Variants in FGF14 observed in about 807,000 individuals in gnomAD.
FGF14 encodes the protein fibroblast growth factor 14, also known as fibroblast growth factor homologous factor 4.
In FGF14, 5 loss-of-function variants were observed where a neutral mutation model predicts 25.5. The observed-to-expected ratio is 0.20, with a 90% CI of 0.10 to 0.41. FGF14 has a LOEUF of 0.41. FGF14 is among the 10% of genes least tolerant of loss of function. FGF14 has a pLI of 1.00. For synonymous variants in FGF14, 138 were observed against 118.3 expected, an observed-to-expected ratio of 1.17 and a Z score of -1.08; for missense variants, 222 against 320.1, an observed-to-expected ratio of 0.69 and a Z score of 2.34.
intron 1 of FGF14, among the ~76,000 whole-genome samples, chr13:102,281,408 T>C (rs1358083685): frequency 6.6e-6 from 1 of 152,162 alleles, no homozygotes; most frequent in Non-Finnish European, 1.5e-5. Context: ...GTCTCATCAA[T>C]GTTCTAGCAT....
In FGF14 at chr13:101,722,977, G is replaced by A. The variant is rs574476283; in HGVS notation, c.608-10C>T. On this transcript the variant is annotated splice_polypyrimidine_tract_variant and intron_variant, in intron 4 of 4. Coordinates refer to ENST00000376143, the MANE Select transcript of FGF14 (RefSeq NM_004115.4). ...TCTCGGTACATGGCAACTAGTGATG[G>A]GAAGAAAGGAGGAGGAAAAGCAAAC... 1,407 of 1,612,846 alleles carry A rather than the reference G, an allele frequency of 8.7e-4. 18 individuals are homozygous for A. In the South Asian group the frequency reaches 0.015, roughly 17 times the overall value.
At chr13:102,350,794 T>C (rs969987205) in intron 1 of FGF14, among the ~76,000 whole-genome samples, 1 of 152,002 alleles carries the variant, frequency 6.6e-6, no homozygotes, top group African/African-American at 2.4e-5. Context: ...AAGTAAGGAG[T>C]GGCGTAAGAT....
intron 1 of FGF14, among the ~76,000 whole-genome samples, chr13:102,075,084 G>T (rs866845665): frequency 6.6e-6 from 1 of 152,118 alleles, no homozygotes; most frequent in Non-Finnish European, 1.5e-5. Context: ...GAGCAATTAG[G>T]CAAGGGAAAG....
chr13:101,886,828 A>G (rs151090258), intron 1 of FGF14, among the ~76,000 whole-genome samples: 1 of 152,298 alleles, frequency 6.6e-6, no homozygotes, highest in East Asian at 1.9e-4. Context: ...ATATATAAGA[A>G]ACTTGAACAA....
chr13:102,323,961 G>GTA (rs1450963599), intron 1 of FGF14, among the ~76,000 whole-genome samples: 1 of 46,130 alleles, frequency 2.2e-5, no homozygotes, highest in African/African-American at 1.6e-4. Flanking sequence ...TGCAGTATGT[G>GTA]TGTGTGTGTG....
intron 1 of FGF14, among the ~76,000 whole-genome samples, chr13:102,084,356 C>A (rs1391453137): frequency 6.6e-6 from 1 of 152,088 alleles, no homozygotes. Flanking sequence ...TCATATGCCC[C>A]AGCACAAAAA....
At chr13:102,099,870 T>C (rs2044578628) in intron 1 of FGF14, among the ~76,000 whole-genome samples, 1 of 152,166 alleles carries the variant, frequency 6.6e-6, no homozygotes, top group Non-Finnish European at 1.5e-5. Context: ...AATGGGATAT[T>C]TGATATTCAG....
Position 102,139,406 on chromosome 13 carries a change from G to GA in FGF14, c.208+262064dup, listed in dbSNP as rs376459762. ...TAGAGTGAGACCCTATCTCAAGAAA[G>GA]AAAAAAAAAATAGAGAAATGGAAAA... On this transcript the variant is annotated intron_variant, in intron 1 of 4. Transcript: ENST00000376131. Among the ~76,000 whole-genome samples the GA allele has an allele frequency of 5.6e-3, 805 of 143,572 alleles. 8 individuals carry two copies. The highest frequency in any genetic ancestry group is 0.019 in the African/African-American group (726 of 39,056). The allele number at this position is 143,572 out of a possible 152,430, so 94.2% of individuals were successfully genotyped here. A position where few individuals can be genotyped will look rare whatever the true frequency, so the allele number is the denominator to read the frequency against.
chr13:102,032,057 G>A (rs916449645), intron 1 of FGF14, among the ~76,000 whole-genome samples: 1 of 152,094 alleles, frequency 6.6e-6, no homozygotes, highest in Non-Finnish European at 1.5e-5. Flanking sequence ...GAAATATGCT[G>A]CTCTTGATAT....
chr13:101,720,067 ATATTT>A lies in FGF14; in HGVS notation c.*2759_*2763del, dbSNP rs1594016651. 2.0e-5 allele frequency: 3 copies of A among 152,166 alleles called. No individual in the cohort carries two copies. The highest frequency in any genetic ancestry group is 7.2e-5 in the African/African-American group (3 of 41,456). 9.4% of individuals were successfully genotyped at this position (152,166 alleles called of 1,614,324 possible). On this transcript the variant is annotated 3_prime_UTR_variant, in exon 5 of 5. Transcript: ENST00000376143. ...TGTTTTTTAATATGCCTTCATATAA[ATATTT>A]TATTCAATATGTTGTATTTGTGAAT...
At chr13:102,003,665 C>CT (rs111575262) in intron 1 of FGF14, among the ~76,000 whole-genome samples, 31,966 of 134,654 alleles carry the variant, frequency 0.24, 4,693 homozygotes, top group African/African-American at 0.44. Context: ...AAGGGGTTAG[C>CT]TTTTTTTTTT....
At chr13:102,154,837 A>C in intron 1 of FGF14, among the ~76,000 whole-genome samples, 1 of 149,562 alleles carries the variant, frequency 6.7e-6, no homozygotes, top group East Asian at 2.0e-4. Context: ...AAGCAAATGG[A>C]AAAAAAAAAG....
intron 1 of FGF14, among the ~76,000 whole-genome samples, chr13:102,070,407 AG>A (rs1338312505): frequency 6.6e-6 from 1 of 152,250 alleles, no homozygotes; most frequent in Non-Finnish European, 1.5e-5. Flanking sequence ...TGTGGAGAAA[AG>A]GGTACCCTTG....
chr13:102,260,661 T>C (rs891704160), intron 1 of FGF14, among the ~76,000 whole-genome samples: 1 of 152,256 alleles, frequency 6.6e-6, no homozygotes, highest in Non-Finnish European at 1.5e-5. Context: ...AAAACGGGCA[T>C]CAGGATCAAG....
chr13:101,886,799 C>T (rs187365100), intron 1 of FGF14, among the ~76,000 whole-genome samples: 5 of 152,114 alleles, frequency 3.3e-5, no homozygotes, highest in Admixed American at 6.6e-5. Context: ...ATCTATCTAA[C>T]AAGGGATTAA....
At chr13:101,865,988 T>A (rs1429984577) in intron 3 of FGF14, among the ~76,000 whole-genome samples, 1 of 152,076 alleles carries the variant, frequency 6.6e-6, no homozygotes, top group Admixed American at 6.6e-5. Flanking sequence ...TTTCAAAAAT[T>A]TACTCATCTT....
intron 1 of FGF14, among the ~76,000 whole-genome samples, chr13:102,166,300 G>A (rs143268276): frequency 2.0e-5 from 3 of 151,318 alleles, no homozygotes; most frequent in Non-Finnish European, 4.4e-5. Flanking sequence ...ATTACTTTAC[G>A]AAATTTATAA....
intron 1 of FGF14, among the ~76,000 whole-genome samples, chr13:102,343,525 C>A (rs886995527): frequency 6.6e-6 from 1 of 152,176 alleles, no homozygotes; most frequent in Admixed American, 6.5e-5. Flanking sequence ...AAGGGCTTTA[C>A]ACAGATGAAT....
chr13:102,016,003 T>C (rs778766418), intron 1 of FGF14, among the ~76,000 whole-genome samples: 3 of 152,168 alleles, frequency 2.0e-5, no homozygotes, highest in Non-Finnish European at 2.9e-5. Flanking sequence ...TATCAGTCTC[T>C]TAGGAAGAGA....
Sources: allele counts gnomAD v4.1 joint callset (sites outside exome capture counted in the v4.1 genomes callset), GRCh38; gene constraint gnomAD v4.1.1; transcripts MANE v1.5; gene names NCBI Gene and HGNC (gene_info 2026-07-23, HGNC 2026-07-21).